The following TEC variants were observed in gnomAD, a reference collection of about 807,000 sequenced individuals.
TEC encodes tec protein tyrosine kinase.
Under a neutral mutation model 93.0 loss-of-function variants are expected in TEC, and 72 were observed. The observed-to-expected ratio is 0.77, with a 90% confidence interval of 0.64 to 0.94. TEC has a LOEUF of 0.94. Ranked by LOEUF, TEC falls within the 40% of genes least tolerant of loss-of-function variation. TEC has a pLI of 0.00. For missense variants in TEC, 630 were observed against 757.9 expected (o/e 0.83, Z 1.98); for synonymous variants, 249 against 247.7 (o/e 1.01, Z -0.05).
chr4:48,168,556 A>T lies in TEC; in HGVS notation c.495+30T>A, dbSNP rs1454350399. 4.4e-6 allele frequency: 7 copies of T among 1,608,726 alleles called. No individual in the cohort carries two copies. In the South Asian group the frequency reaches 6.6e-5, roughly 15 times the overall value. Reference sequence around the variant, plus strand: ...AGACTTAAAGGCTTAAAATGTAAAGATTAACTATCAAAAGCTAAAGACCAC... The same window carrying T: ...AGACTTAAAGGCTTAAAATGTAAAGTTTAACTATCAAAAGCTAAAGACCAC... On this transcript the variant is annotated intron_variant, in intron 6 of 17. Coordinates refer to ENST00000381501, the MANE Select transcript of TEC (RefSeq NM_003215.3).
chr4:48,255,696 T>C (rs1229719354), intron 1 of TEC, among the ~76,000 whole-genome samples: 1 of 152,224 alleles, frequency 6.6e-6, no homozygotes, highest in African/African-American at 2.4e-5. Flanking sequence ...AGGTTCCTCA[T>C]TGTAAAATAG....
chr4:48,144,533 C>T (rs1719822717), intron 14 of TEC, among the ~76,000 whole-genome samples: 1 of 152,156 alleles, frequency 6.6e-6, no homozygotes, highest in South Asian at 2.1e-4. Flanking sequence ...AAATTGTCTC[C>T]ATCATAATTT....
intron 2 of TEC, among the ~76,000 whole-genome samples, chr4:48,189,569 C>T (rs779432892): frequency 2.0e-5 from 3 of 152,150 alleles, no homozygotes; most frequent in Non-Finnish European, 2.9e-5. Flanking sequence ...ATAGATCTCC[C>T]ACCTGGACAC....
intron 2 of TEC, among the ~76,000 whole-genome samples, chr4:48,197,844 A>G (rs1242488654): frequency 6.6e-6 from 1 of 152,206 alleles, no homozygotes; most frequent in Non-Finnish European, 1.5e-5. Flanking sequence ...CAGCAGCCAG[A>G]GATAAGAATT....
At chr4:48,219,834 G>C (rs535010234) in intron 2 of TEC, among the ~76,000 whole-genome samples, 3 of 152,172 alleles carry the variant, frequency 2.0e-5, no homozygotes, top group Non-Finnish European at 2.9e-5. Flanking sequence ...TGGTCCCCCA[G>C]GCCCAGCTGC....
intron 2 of TEC, among the ~76,000 whole-genome samples, chr4:48,193,614 T>G (rs1262862513): frequency 6.6e-6 from 1 of 152,204 alleles, no homozygotes; most frequent in Non-Finnish European, 1.5e-5. Context: ...TGTTTGTTTT[T>G]GTTTTGTTTT....
At chr4:48,172,789 G>GGAGAT (rs1205932058) in intron 3 of TEC, among the ~76,000 whole-genome samples, 1 of 152,166 alleles carries the variant, frequency 6.6e-6, no homozygotes, top group Non-Finnish European at 1.5e-5. Flanking sequence ...AAGTGCTAAA[G>GGAGAT]GAGATGTGAA....
At chr4:48,177,036 C>T (rs1448389466) in intron 2 of TEC, among the ~76,000 whole-genome samples, 1 of 152,136 alleles carries the variant, frequency 6.6e-6, no homozygotes, top group African/African-American at 2.4e-5. Flanking sequence ...ATTTTCTTCC[C>T]CATTTGCCTG....
chr4:48,245,378 CAA>C (rs747117685), intron 1 of TEC, among the ~76,000 whole-genome samples: 1 of 151,946 alleles, frequency 6.6e-6, no homozygotes, highest in South Asian at 2.1e-4. Flanking sequence ...AAATGTCATC[CAA>C]AAAGACTTCA....
At chr4:48,245,405 CACACAT>C (rs1724029014) in intron 1 of TEC, among the ~76,000 whole-genome samples, 1 of 152,064 alleles carries the variant, frequency 6.6e-6, no homozygotes, top group African/African-American at 2.4e-5. Flanking sequence ...CACGTGTATA[CACACAT>C]ACACATACAC....
At chr4:48,143,435 C>A (rs181265152) in intron 14 of TEC, among the ~76,000 whole-genome samples, 48 of 152,308 alleles carry the variant, frequency 3.2e-4, no homozygotes, top group African/African-American at 1.1e-3. Context: ...CAAGTTTTAA[C>A]TGACGAGATG....
At chr4:48,147,193 T>A (rs768781061) in intron 11 of TEC, among the ~76,000 whole-genome samples, 16 of 152,166 alleles carry the variant, frequency 1.1e-4, no homozygotes, top group Non-Finnish European at 2.2e-4. Context: ...CAGAATGAGA[T>A]ATAAATTGAT....
At chr4:48,235,993 A>G (rs1723772728) in intron 1 of TEC, among the ~76,000 whole-genome samples, 1 of 152,188 alleles carries the variant, frequency 6.6e-6, no homozygotes, top group Non-Finnish European at 1.5e-5. Context: ...GTGGAAAGGA[A>G]GGTGGAATGG....
At position 48,187,972 on chromosome 4, in the gene TEC, G is replaced by A. The variant is rs374251776; in HGVS notation, c.139-11786C>T. On this transcript the variant is annotated intron_variant, in intron 2 of 17. Coordinates refer to ENST00000381501, the MANE Select transcript of TEC (RefSeq NM_003215.3). ...CTCCCCTTTCTGGGGAGTTGGCTCA[G>A]CTAGATTGCACTTCCTTATCTGCCA... is the stretch of plus-strand genomic sequence containing the variant. Among the ~76,000 whole-genome samples the A allele has an allele frequency of 1.6e-4, 25 of 152,282 alleles. No individual in the cohort carries two copies. The South Asian group carries it at 5.0e-3, about 30-fold the overall frequency.
chr4:48,243,567 G>A lies in TEC; in HGVS notation c.-45-14908C>T, dbSNP rs181218566. Among the ~76,000 whole-genome samples, 11 of 152,318 alleles carry A rather than the reference G, an allele frequency of 7.2e-5. No individual in the cohort carries two copies. In the East Asian group the frequency reaches 1.9e-3, roughly 27 times the overall value. ...CTCAACAACTGCTAACTGAACACCT[G>A]CTAAATGCCAGATATGTTATCAAAA... On this transcript the variant is annotated intron_variant, in intron 1 of 17. Coordinates refer to ENST00000381501, the MANE Select transcript of TEC (RefSeq NM_003215.3).
chr4:48,244,467 A>C (rs1724002194), intron 1 of TEC, among the ~76,000 whole-genome samples: 1 of 152,204 alleles, frequency 6.6e-6, no homozygotes, highest in Non-Finnish European at 1.5e-5. Context: ...AGACTTATTC[A>C]CTATCACAAG....
intron 14 of TEC, among the ~76,000 whole-genome samples, chr4:48,143,648 G>A (rs1347554100): frequency 6.6e-6 from 1 of 152,238 alleles, no homozygotes. Flanking sequence ...AGGAAATAAA[G>A]TGTTCCATCT....
chr4:48,200,617 T>C (rs1373009221), intron 2 of TEC, among the ~76,000 whole-genome samples: 1 of 152,214 alleles, frequency 6.6e-6, no homozygotes, highest in East Asian at 1.9e-4. Context: ...AATAAAAGAC[T>C]GCACTTCTCA....
At chr4:48,224,899 AACT>A (rs1723391229) in intron 2 of TEC, among the ~76,000 whole-genome samples, 1 of 152,194 alleles carries the variant, frequency 6.6e-6, no homozygotes, top group South Asian at 2.1e-4. Context: ...TAACATTATG[AACT>A]GAGAGTTTTA....
Sources: gnomAD v4.1 joint callset for allele counts (sites outside exome capture counted in the v4.1 genomes callset) on GRCh38, gnomAD v4.1.1 for gene constraint, MANE v1.5 for transcripts, NCBI Gene and HGNC (gene_info 2026-07-23, HGNC 2026-07-21) for gene names.